NAALADL2: variants seen among roughly 807,000 people sequenced by gnomAD.
The protein encoded by NAALADL2 is N-acetylated alpha-linked acidic dipeptidase like 2.
A neutral mutation model predicts 87.2 loss-of-function variants in NAALADL2; 76 were observed. The ratio of observed to expected loss-of-function variants is 0.87; its 90% CI spans 0.72 to 1.05. The LOEUF is 1.05. Among genes scored for constraint, NAALADL2 ranks in the 50% least tolerant of loss-of-function variants. The pLI is 0.00. For missense variants in NAALADL2, 1,089 were observed against 945.8 expected (o/e 1.15, Z -1.99); for synonymous variants, 354 against 331.0 (o/e 1.07, Z -0.75).
intron 5 of NAALADL2, among the ~76,000 whole-genome samples, chr3:175,343,101 C>T (rs1762733136): frequency 6.6e-6 from 1 of 151,838 alleles, no homozygotes; most frequent in African/African-American, 2.4e-5. Context: ...AGTCTCATGC[C>T]AAATAACTTT....
At chr3:174,893,320 G>A (rs60750460) in intron 1 of NAALADL2, among the ~76,000 whole-genome samples, 35 of 92,348 alleles carry the variant, frequency 3.8e-4, no homozygotes, top group South Asian at 2.2e-3. Context: ...ACCCCCCCCC[G>A]CAAAAAGTTA....
intron 5 of NAALADL2, among the ~76,000 whole-genome samples, chr3:175,437,840 G>A (rs1718977041): frequency 6.6e-6 from 1 of 151,964 alleles, no homozygotes; most frequent in African/African-American, 2.4e-5. Context: ...TGCATATTTT[G>A]CTTTACAAAT....
chr3:174,718,106 G>A (rs1385293334), intron 2 of NAALADL2, among the ~76,000 whole-genome samples: 2 of 152,008 alleles, frequency 1.3e-5, no homozygotes, highest in Non-Finnish European at 2.9e-5. Context: ...GACCTATATT[G>A]TGTCTCAAAC....
At chr3:175,723,958 T>C (rs757589591) in intron 11 of NAALADL2, among the ~76,000 whole-genome samples, 1 of 152,118 alleles carries the variant, frequency 6.6e-6, no homozygotes. Flanking sequence ...TAGTAACCAG[T>C]GTTCTCCTAT....
chr3:175,253,688 A>G (rs1749450963), intron 3 of NAALADL2, among the ~76,000 whole-genome samples: 1 of 152,198 alleles, frequency 6.6e-6, no homozygotes, highest in Admixed American at 6.5e-5. Context: ...ACCATTCTAA[A>G]TGCCATTAGC....
intron 1 of NAALADL2, among the ~76,000 whole-genome samples, chr3:174,537,147 T>C (rs532192379): frequency 6.6e-6 from 1 of 152,316 alleles, no homozygotes; most frequent in African/African-American, 2.4e-5. Context: ...CTGAGCCATA[T>C]GCTTTGCTAA....
At chr3:174,941,642 T>A (rs74787230) in intron 1 of NAALADL2, among the ~76,000 whole-genome samples, 1,986 of 152,252 alleles carry the variant, frequency 0.013, 43 homozygotes, top group African/African-American at 0.046. Context: ...TTTCTCTTTT[T>A]ATGTCTCTAA....
chr3:175,626,362 G>T (rs1299854204), intron 10 of NAALADL2, among the ~76,000 whole-genome samples: 1 of 151,780 alleles, frequency 6.6e-6, no homozygotes, highest in East Asian at 1.9e-4. Context: ...CTTAAATACA[G>T]TGAATACACT....
At chr3:175,247,762 G>A (rs1748255484) in intron 3 of NAALADL2, among the ~76,000 whole-genome samples, 1 of 152,176 alleles carries the variant, frequency 6.6e-6, no homozygotes, top group South Asian at 2.1e-4. Flanking sequence ...TTGTGCAACT[G>A]CACAGGTCAC....
upstream of NAALADL2, among the ~76,000 whole-genome samples, chr3:174,854,698 A>C (rs1379424228): frequency 6.6e-6 from 1 of 152,132 alleles, no homozygotes; most frequent in African/African-American, 2.4e-5. Context: ...AATTATTTTT[A>C]AAGAATAAAA....
chr3:174,908,688 A>T (rs9871731), intron 1 of NAALADL2, among the ~76,000 whole-genome samples: 53,197 of 151,942 alleles, frequency 0.35, 9,940 homozygotes, highest in African/African-American at 0.48. Context: ...TTTGACTTAT[A>T]TACTAAAACA....
intron 1 of NAALADL2, among the ~76,000 whole-genome samples, chr3:174,546,515 A>G (rs1722748487): frequency 6.6e-6 from 1 of 152,158 alleles, no homozygotes; most frequent in Non-Finnish European, 1.5e-5. Context: ...GAACCCCCCC[A>G]GGGGTTCTGT....
chr3:174,913,627 G>GA (rs1305015820), intron 1 of NAALADL2, among the ~76,000 whole-genome samples: 1 of 151,380 alleles, frequency 6.6e-6, no homozygotes, highest in Admixed American at 6.6e-5. Flanking sequence ...ATCTCCTCTG[G>GA]AAAAAAAGGG....
intron 4 of NAALADL2, among the ~76,000 whole-genome samples, chr3:175,318,991 C>T (rs1191657500): frequency 2.0e-5 from 3 of 152,126 alleles, no homozygotes; most frequent in African/African-American, 4.8e-5. Flanking sequence ...TTTATATATT[C>T]TTCTATAGTA....
At chr3:175,133,695 A>G (rs535545073) in intron 2 of NAALADL2, among the ~76,000 whole-genome samples, 13 of 152,282 alleles carry the variant, frequency 8.5e-5, no homozygotes, top group African/African-American at 2.9e-4. Context: ...TCGGCTTGGC[A>G]TCAGAGGGAG....
chr3:174,759,857 C>A (rs1309727816), intron 3 of NAALADL2, among the ~76,000 whole-genome samples: 1 of 152,046 alleles, frequency 6.6e-6, no homozygotes, highest in Admixed American at 6.6e-5. Context: ...CCTGCCACCA[C>A]ACCCAGCTAA....
chr3:175,321,767 A>G (rs1290743641), intron 4 of NAALADL2, among the ~76,000 whole-genome samples: 1 of 134,142 alleles, frequency 7.5e-6, no homozygotes, highest in East Asian at 2.2e-4. Flanking sequence ...ATACCTAGGA[A>G]TCCAACTTAC....
At chr3:175,583,219 G>A (rs1329321690) in intron 10 of NAALADL2, among the ~76,000 whole-genome samples, 2 of 152,066 alleles carry the variant, frequency 1.3e-5, no homozygotes, top group Non-Finnish European at 1.5e-5. Context: ...AGAGAGTATC[G>A]TGTTGCATAT....
At chr3:175,183,369 C>T (rs1481785352) in intron 2 of NAALADL2, among the ~76,000 whole-genome samples, 2 of 151,904 alleles carry the variant, frequency 1.3e-5, no homozygotes, top group African/African-American at 2.4e-5. Context: ...ACTTCCAGTA[C>T]TCTAGTGAAT....
Sources: allele counts gnomAD v4.1 joint callset (sites outside exome capture counted in the v4.1 genomes callset), GRCh38; gene constraint gnomAD v4.1.1; transcripts MANE v1.5; gene names NCBI Gene and HGNC (gene_info 2026-07-23, HGNC 2026-07-21).